The following RIC3 variants were observed in gnomAD, a reference collection of about 807,000 sequenced individuals.
RIC3 encodes the protein RIC3 acetylcholine receptor chaperone, also known as protein RIC-3.
A neutral mutation model predicts 27.3 loss-of-function variants in RIC3; 28 were observed. The ratio of observed to expected loss-of-function variants is 1.02; its 90% CI spans 0.76 to 1.41. The LOEUF (loss-of-function observed/expected upper bound fraction) is 1.41, where lower values mean the gene tolerates loss of function less well. Ranked by LOEUF, RIC3 falls within the 40% of genes most tolerant of loss-of-function variation. The pLI is 0.00. For synonymous variants in RIC3, 184 were observed against 160.4 expected (o/e 1.15, Z -1.11); for missense variants, 501 against 444.7 (o/e 1.13, Z -1.14).
chr11:8,127,861 T>A (rs1474666879), intron 4 of RIC3, among the ~76,000 whole-genome samples: 1 of 152,216 alleles, frequency 6.6e-6, no homozygotes, highest in Admixed American at 6.5e-5. Context: ...TCAGCCTAAC[T>A]TTAGCCTTAA....
intron 1 of RIC3, among the ~76,000 whole-genome samples, chr11:8,147,769 C>T (rs1051911676): frequency 2.7e-5 from 4 of 146,984 alleles, no homozygotes; most frequent in South Asian, 2.2e-4. Flanking sequence ...TGCTCTGTCA[C>T]CAGGCTGGAG....
At chr11:8,105,152 C>T (rs903650886), downstream of RIC3, 4 of 152,320 alleles carry the variant, frequency 2.6e-5, no homozygotes, top group East Asian at 1.9e-4. Context: ...AGATGGACTT[C>T]CTGGTTTTCT....
chr11:8,150,597 C>A (rs1320691560), intron 1 of RIC3, among the ~76,000 whole-genome samples: 1 of 151,760 alleles, frequency 6.6e-6, no homozygotes, highest in East Asian at 1.9e-4. Flanking sequence ...TGAATGGTTC[C>A]CAATACCAAA....
chr11:8,111,041 A>C lies in RIC3; in HGVS notation c.767T>G (p.Leu256Arg), dbSNP rs768976434. 3.7e-6 allele frequency: 6 copies of C among 1,614,172 alleles called. No homozygotes were observed. Among genetic ancestry groups the C allele is most frequent in the Non-Finnish European group, 5.1e-6 (6 of 1,180,012 alleles). ...ILVDYPDPKE[L>R]SAEEIAERMG... ...TCTTTCAGCTATTTCTTCAGCAGAA[A>C]GTTCTTTTGGGTCAGGGTAATCCAC... Residue 256 changes from leucine to arginine, a missense_variant, in exon 6 of 6, where the codon CTT becomes CGT. Coordinates refer to ENST00000309737, the MANE Select transcript of RIC3 (RefSeq NM_001206671.4).
rs1564946947 is a variant in RIC3 at position 8,108,448 on chromosome 11, A to G, written c.*2250T>C. ...ACAGCATAGCCCTTATAATAAAAAC[A>G]TAATTACCACTTAATGAGTGGTTAT... On this transcript the variant is annotated 3_prime_UTR_variant, in exon 6 of 6. Coordinates refer to ENST00000309737, the MANE Select transcript of RIC3 (RefSeq NM_001206671.4). 2 of 152,240 alleles carry G rather than the reference A, an allele frequency of 1.3e-5. No individual in the cohort carries two copies. The highest frequency in any genetic ancestry group is 1.3e-4 in the Admixed American group (2 of 15,286). 9.4% of individuals were successfully genotyped at this position (152,240 alleles called of 1,614,324 possible).
rs895758880 is a variant in RIC3 at position 8,109,058 on chromosome 11, C to T, written c.*1640G>A. On this transcript the variant is annotated 3_prime_UTR_variant, in exon 6 of 6. Coordinates refer to ENST00000309737, the MANE Select transcript of RIC3 (RefSeq NM_001206671.4). Reference sequence around the variant, plus strand: ...CACAATGTGAATCAAATGTTCTACACAGAGATAGATGCAATATGCTTTCTA... The same window carrying T: ...CACAATGTGAATCAAATGTTCTACATAGAGATAGATGCAATATGCTTTCTA... 2 of 152,236 alleles carry T rather than the reference C, an allele frequency of 1.3e-5. No homozygotes were observed. Among genetic ancestry groups the T allele is most frequent in the African/African-American group, 4.8e-5 (2 of 41,466 alleles). The allele number at this position is 152,236 out of a possible 1,614,324, so 9.4% of individuals were successfully genotyped here.
chr11:8,115,665 G>C (rs550356044), intron 5 of RIC3, among the ~76,000 whole-genome samples: 2 of 152,120 alleles, frequency 1.3e-5, no homozygotes, highest in African/African-American at 2.4e-5. Flanking sequence ...AAATTAGCTC[G>C]GCATGGTGGT....
At chr11:8,147,718 C>A (rs928429317) in intron 1 of RIC3, among the ~76,000 whole-genome samples, 1 of 147,696 alleles carries the variant, frequency 6.8e-6, no homozygotes, top group Non-Finnish European at 1.5e-5. Flanking sequence ...GTAGAACTTG[C>A]GTAAGATTTT....
At chr11:8,166,235 T>A (rs867236349) in intron 1 of RIC3, among the ~76,000 whole-genome samples, 18 of 152,238 alleles carry the variant, frequency 1.2e-4, no homozygotes, top group Admixed American at 5.2e-4. Flanking sequence ...ACATGTCTAC[T>A]TTCCTTTACT....
At chr11:8,140,394 T>A (rs1948917616) in intron 1 of RIC3, among the ~76,000 whole-genome samples, 1 of 152,148 alleles carries the variant, frequency 6.6e-6, no homozygotes, top group African/African-American at 2.4e-5. Context: ...AAACCCATTT[T>A]CTCTTCCCTC....
intron 5 of RIC3, among the ~76,000 whole-genome samples, chr11:8,119,971 A>C (rs1946265274): frequency 6.6e-6 from 1 of 152,252 alleles, no homozygotes; most frequent in Admixed American, 6.5e-5. Context: ...AGAGAAATGC[A>C]AATCAAAACC....
chr11:8,105,395 C>CA (rs1944513701), downstream of RIC3: 1 of 152,230 alleles, frequency 6.6e-6, no homozygotes, highest in Admixed American at 6.5e-5. Flanking sequence ...GGTAATAAGC[C>CA]AAGGGCTAGG....
At chr11:8,143,618 G>A (rs1158766834) in intron 1 of RIC3, among the ~76,000 whole-genome samples, 3 of 152,092 alleles carry the variant, frequency 2.0e-5, no homozygotes, top group African/African-American at 7.2e-5. Context: ...GTAATTTACA[G>A]ATTCAATGCC....
At chr11:8,120,338 C>T (rs1042906849) in intron 5 of RIC3, among the ~76,000 whole-genome samples, 4 of 152,188 alleles carry the variant, frequency 2.6e-5, no homozygotes, top group Non-Finnish European at 5.9e-5. Context: ...GGCATATATA[C>T]ACCATGGAAT....
At chr11:8,134,969 T>A (rs960777438) in intron 4 of RIC3, among the ~76,000 whole-genome samples, 2 of 152,232 alleles carry the variant, frequency 1.3e-5, no homozygotes, top group African/African-American at 2.4e-5. Flanking sequence ...GGTAGTTTCT[T>A]TTGCTGTGCA....
At chr11:8,114,365 G>T (rs73409668) in intron 5 of RIC3, among the ~76,000 whole-genome samples, 8 of 152,214 alleles carry the variant, frequency 5.3e-5, no homozygotes, top group African/African-American at 1.9e-4. Flanking sequence ...CACACTTTAG[G>T]AGGCCAAGAC....
chr11:8,147,471 G>T (rs967197775), intron 1 of RIC3, among the ~76,000 whole-genome samples: 45 of 152,270 alleles, frequency 3.0e-4, no homozygotes, highest in African/African-American at 1.0e-3. Flanking sequence ...AAAGTGGGTG[G>T]AAAGGAGATT....
At chr11:8,129,985 G>T (rs1029081551) in intron 4 of RIC3, among the ~76,000 whole-genome samples, 6 of 152,214 alleles carry the variant, frequency 3.9e-5, no homozygotes, top group Admixed American at 3.9e-4. Flanking sequence ...AAAGCCTTAT[G>T]TACTTTCCCT....
chr11:8,096,758 A>T, the RIC3 span: 1 of 1,614,130 alleles, frequency 6.2e-7, no homozygotes, highest in African/African-American at 1.3e-5. Flanking sequence ...CCTCCCAGCT[A>T]AATAGTAACA....
Sources: allele counts gnomAD v4.1 joint callset (sites outside exome capture counted in the v4.1 genomes callset), GRCh38; gene constraint gnomAD v4.1.1; transcripts MANE v1.5; gene names NCBI Gene and HGNC (gene_info 2026-07-23, HGNC 2026-07-21).